Variants in GPR39 observed in about 807,000 individuals in gnomAD.
GPR39 encodes zinc sensing receptor.
Under a neutral mutation model 18.4 loss-of-function variants are expected in GPR39, and 23 were observed. The observed-to-expected ratio is 1.25, with a 90% CI of 0.90 to 1.77. The LOEUF (loss-of-function observed/expected upper bound fraction) is 1.77. Ranked by LOEUF, GPR39 falls within the 40% of genes most tolerant of loss-of-function variation. The pLI is 0.00. For synonymous variants in GPR39, 280 were observed against 257.9 expected, an observed-to-expected ratio of 1.09 and a Z score of -0.82; for missense variants, 647 against 602.4, an observed-to-expected ratio of 1.07 and a Z score of -0.78.
chr2:132,585,056 T>A (rs1680700100), intron 1 of GPR39, among the ~76,000 whole-genome samples: 1 of 152,146 alleles, frequency 6.6e-6, no homozygotes, highest in Non-Finnish European at 1.5e-5. Context: ...ACCAAATGTT[T>A]TTGCACTGCT....
At chr2:132,590,342 A>G (rs1235742079) in intron 1 of GPR39, among the ~76,000 whole-genome samples, 1 of 152,136 alleles carries the variant, frequency 6.6e-6, no homozygotes, top group African/African-American at 2.4e-5. Context: ...GAAGATACAC[A>G]CACACATGCT....
intron 1 of GPR39, among the ~76,000 whole-genome samples, chr2:132,617,761 A>G (rs1681363478): frequency 6.6e-6 from 1 of 152,232 alleles, no homozygotes; most frequent in Non-Finnish European, 1.5e-5. Context: ...GATTAAGGGC[A>G]TAAGTTTTGA....
At chr2:132,488,168 C>T (rs1360096708) in intron 1 of GPR39, among the ~76,000 whole-genome samples, 2 of 152,052 alleles carry the variant, frequency 1.3e-5, no homozygotes, top group Admixed American at 1.3e-4. Flanking sequence ...TATTTAAGAC[C>T]TTTGTTAATA....
At chr2:132,480,524 G>A (rs1326202981) in intron 1 of GPR39, among the ~76,000 whole-genome samples, 1 of 152,136 alleles carries the variant, frequency 6.6e-6, no homozygotes, top group Non-Finnish European at 1.5e-5. Context: ...AGAGGCTGTT[G>A]CCCTAGGCTT....
chr2:132,434,915 A>G (rs1680285404), intron 1 of GPR39, among the ~76,000 whole-genome samples: 1 of 152,230 alleles, frequency 6.6e-6, no homozygotes, highest in South Asian at 2.1e-4. Context: ...AGGAAATAAC[A>G]GAAGATGACT....
chr2:132,445,295 AT>A (rs1302470982), intron 1 of GPR39, among the ~76,000 whole-genome samples: 2 of 152,206 alleles, frequency 1.3e-5, no homozygotes, highest in African/African-American at 4.8e-5. Context: ...ATATAATATG[AT>A]GACATGATTT....
chr2:132,586,466 A>G (rs1197147774), intron 1 of GPR39, among the ~76,000 whole-genome samples: 2 of 152,166 alleles, frequency 1.3e-5, no homozygotes, highest in African/African-American at 2.4e-5. Context: ...TTGCTGTACC[A>G]TCTGTTGTCT....
intron 1 of GPR39, among the ~76,000 whole-genome samples, chr2:132,424,919 C>A (rs1324825278): frequency 6.6e-6 from 1 of 152,150 alleles, no homozygotes; most frequent in Non-Finnish European, 1.5e-5. Context: ...TCCTCCATGG[C>A]CAGACAGTGA....
At chr2:132,500,835 A>G (rs1679016516) in intron 1 of GPR39, among the ~76,000 whole-genome samples, 1 of 152,048 alleles carries the variant, frequency 6.6e-6, no homozygotes, top group South Asian at 2.1e-4. Flanking sequence ...AAATTTATCC[A>G]TCTCCTCTAG....
intron 1 of GPR39, among the ~76,000 whole-genome samples, chr2:132,614,090 TC>T (rs2104852968): frequency 6.6e-6 from 1 of 152,266 alleles, no homozygotes; most frequent in East Asian, 1.9e-4. Context: ...AGTTTGAATT[TC>T]CCTTTGCCCA....
At chr2:132,627,719 C>G (rs898949512) in intron 1 of GPR39, among the ~76,000 whole-genome samples, 1 of 152,144 alleles carries the variant, frequency 6.6e-6, no homozygotes, top group African/African-American at 2.4e-5. Context: ...GTGCCCAGAG[C>G]TGTGTGAGTC....
At chr2:132,513,534 G>A (rs1370727090) in intron 1 of GPR39, among the ~76,000 whole-genome samples, 1 of 151,556 alleles carries the variant, frequency 6.6e-6, no homozygotes, top group Non-Finnish European at 1.5e-5. Context: ...AGGAATTAAT[G>A]GCGGCAGCTT....
chr2:132,525,822 C>T (rs567197956), intron 1 of GPR39, among the ~76,000 whole-genome samples: 2 of 152,160 alleles, frequency 1.3e-5, no homozygotes, highest in Non-Finnish European at 2.9e-5. Flanking sequence ...GTTGTTTATT[C>T]ATTGCCTGAG....
chr2:132,622,724 G>A (rs1681464578), intron 1 of GPR39, among the ~76,000 whole-genome samples: 1 of 152,192 alleles, frequency 6.6e-6, no homozygotes, highest in Non-Finnish European at 1.5e-5. Context: ...TTGATAGAAA[G>A]GAATACTTAA....
At chr2:132,426,758 T>G (rs1260724037) in intron 1 of GPR39, among the ~76,000 whole-genome samples, 1 of 152,204 alleles carries the variant, frequency 6.6e-6, no homozygotes, top group Admixed American at 6.5e-5. Context: ...GGCCACTGCT[T>G]TGCACACCGC....
intron 1 of GPR39, among the ~76,000 whole-genome samples, chr2:132,607,660 T>A (rs1681162603): frequency 6.6e-6 from 1 of 152,040 alleles, no homozygotes. Context: ...TGAGAAAAAC[T>A]CCCCCAGTGC....
At position 132,524,379 on chromosome 2, in the gene GPR39, C is replaced by T. The variant is rs1679474437; in HGVS notation, c.856+106481C>T. ...ATCCATAAGCTCAGGACACCTGTGCCCTCCTTCCCACCTAGCAGTGGTGGT... is the reference window on the plus strand; with the variant it reads ...ATCCATAAGCTCAGGACACCTGTGCTCTCCTTCCCACCTAGCAGTGGTGGT... On this transcript the variant is annotated intron_variant, in intron 1 of 1. Transcript: ENST00000329321. Among the ~76,000 whole-genome samples the T allele has an allele frequency of 2.0e-5, 3 of 152,178 alleles. No individual in the cohort carries two copies. In the South Asian group the frequency reaches 6.2e-4, roughly 32 times the overall value.
chr2:132,633,943 G>C (rs1336285177), intron 1 of GPR39, among the ~76,000 whole-genome samples: 1 of 144,414 alleles, frequency 6.9e-6, no homozygotes, highest in African/African-American at 2.9e-5. Context: ...ATTAGTGTTG[G>C]TAGAGGTGGA....
At chr2:132,496,358 C>T (rs984988733) in intron 1 of GPR39, among the ~76,000 whole-genome samples, 4 of 152,150 alleles carry the variant, frequency 2.6e-5, no homozygotes, top group Admixed American at 6.5e-5. Flanking sequence ...TTTACCTAGG[C>T]ATTTGAAGAC....
Sources: allele counts gnomAD v4.1 joint callset (sites outside exome capture counted in the v4.1 genomes callset), GRCh38; gene constraint gnomAD v4.1.1; transcripts MANE v1.5; gene names NCBI Gene and HGNC (gene_info 2026-07-23, HGNC 2026-07-21).